MAML2: variants seen among roughly 807,000 people sequenced by gnomAD.
MAML2 encodes the protein mastermind like transcriptional coactivator 2.
Under a neutral mutation model 96.1 loss-of-function variants are expected in MAML2, and 22 were observed. The observed-to-expected ratio is 0.23, with a 90% confidence interval of 0.16 to 0.33. The LOEUF is 0.33. Ranked by LOEUF, MAML2 falls within the 10% of genes least tolerant of loss-of-function variation. The probability of loss-of-function intolerance (pLI) is 1.00; values close to 1 mark genes in which losing one functional copy is unlikely to be tolerated. For synonymous variants in MAML2, 561 were observed against 521.3 expected, an observed-to-expected ratio of 1.08 and a Z score of -1.04; for missense variants, 1,367 against 1,392.4, an observed-to-expected ratio of 0.98 and a Z score of 0.29.
chr11:96,116,969 CA>C lies in MAML2; in HGVS notation c.514-23453del, dbSNP rs570887190. Among the ~76,000 whole-genome samples, 307 of 152,242 alleles carry C rather than the reference CA, an allele frequency of 2.0e-3. 2 individuals carry two copies. The highest frequency in any genetic ancestry group is 5.4e-3 in the Admixed American group (83 of 15,284). On this transcript the variant is annotated intron_variant, in intron 1 of 4. Coordinates refer to ENST00000524717, the MANE Select transcript of MAML2 (RefSeq NM_032427.4). The stretch of plus-strand genomic sequence containing the variant: ...GCAAGAAGTTAATGATTACTAATAA[CA>C]AATGATGAATTGAATTGACAGCCAT...
At chr11:96,132,069 A>G (rs778167452) in intron 1 of MAML2, among the ~76,000 whole-genome samples, 10 of 152,206 alleles carry the variant, frequency 6.6e-5, no homozygotes, top group Non-Finnish European at 1.2e-4. Flanking sequence ...AAAATTTCCT[A>G]GTGGGCAAGG....
chr11:96,184,439 CAAATAAATAAATAAATAAAT>C (rs139760069), intron 1 of MAML2, among the ~76,000 whole-genome samples: 4 of 145,178 alleles, frequency 2.8e-5, no homozygotes, highest in Non-Finnish European at 6.0e-5. Flanking sequence ...GACTCCATCT[CAAATAAATAAATAAATAAAT>C]AAATAAATAA....
At chr11:96,251,446 C>T (rs1031694690) in intron 1 of MAML2, among the ~76,000 whole-genome samples, 1 of 152,108 alleles carries the variant, frequency 6.6e-6, no homozygotes, top group Non-Finnish European at 1.5e-5. Context: ...TTGTGAGATT[C>T]AAATTCTTGT....
intron 1 of MAML2, among the ~76,000 whole-genome samples, chr11:96,131,838 C>T (rs965500772): frequency 3.3e-5 from 5 of 151,974 alleles, no homozygotes; most frequent in African/African-American, 7.3e-5. Context: ...GGTGAAACAC[C>T]GTCTCTACTA....
intron 1 of MAML2, among the ~76,000 whole-genome samples, chr11:96,249,264 C>T (rs1351467809): frequency 2.0e-5 from 3 of 152,096 alleles, no homozygotes; most frequent in Non-Finnish European, 2.9e-5. Flanking sequence ...TTCATCTTTC[C>T]GACCTCTAGA....
At chr11:96,105,671 A>G (rs1860010316) in intron 1 of MAML2, among the ~76,000 whole-genome samples, 1 of 152,208 alleles carries the variant, frequency 6.6e-6, no homozygotes, top group Non-Finnish European at 1.5e-5. Flanking sequence ...TCTAGGCTCA[A>G]TATAAAGTGT....
intron 1 of MAML2, among the ~76,000 whole-genome samples, chr11:96,177,199 C>T (rs1172652690): frequency 6.6e-6 from 1 of 152,170 alleles, no homozygotes; most frequent in Admixed American, 6.5e-5. Flanking sequence ...ATGGTGTTCT[C>T]AATTACTTGA....
chr11:96,172,298 A>G (rs764935333), intron 1 of MAML2, among the ~76,000 whole-genome samples: 8 of 152,238 alleles, frequency 5.3e-5, no homozygotes, highest in Non-Finnish European at 8.8e-5. Context: ...CAGCAAAGCA[A>G]AAGTGGATAC....
At chr11:96,113,783 T>A (rs930773970) in intron 1 of MAML2, among the ~76,000 whole-genome samples, 1 of 152,106 alleles carries the variant, frequency 6.6e-6, no homozygotes, top group Non-Finnish European at 1.5e-5. Context: ...AGGGGGCATG[T>A]AGTGCTATAC....
At chr11:96,212,954 G>A (rs1265208318) in intron 1 of MAML2, among the ~76,000 whole-genome samples, 1 of 152,070 alleles carries the variant, frequency 6.6e-6, no homozygotes, top group South Asian at 2.1e-4. Context: ...CCAGGGCCTC[G>A]GTTTCCTCAT....
At chr11:96,230,311 T>G (rs1862275097) in intron 1 of MAML2, among the ~76,000 whole-genome samples, 1 of 152,258 alleles carries the variant, frequency 6.6e-6, no homozygotes, top group Non-Finnish European at 1.5e-5. Flanking sequence ...TTATATGTTT[T>G]GCTCATTCAA....
intron 1 of MAML2, among the ~76,000 whole-genome samples, chr11:96,101,194 T>C (rs893487742): frequency 6.6e-6 from 1 of 152,224 alleles, no homozygotes; most frequent in Admixed American, 6.5e-5. Flanking sequence ...CAAAATTTAT[T>C]TGATGCCTTC....
intron 1 of MAML2, among the ~76,000 whole-genome samples, chr11:96,121,950 CTTTTTTTTTTTTTTTTTTTT>C (rs71040130): frequency 1.8e-5 from 1 of 56,830 alleles, no homozygotes; most frequent in Non-Finnish European, 3.0e-5. Context: ...CCACGCCCGG[CTTTTTTTTTTTTTTTTTTTT>C]TTTTTTTTTT....
intron 2 of MAML2, among the ~76,000 whole-genome samples, chr11:96,056,035 A>G (rs950435162): frequency 2.6e-5 from 4 of 152,192 alleles, no homozygotes; most frequent in Non-Finnish European, 1.5e-5. Context: ...GACAAAAGCA[A>G]TGGGTTAGAA....
intron 1 of MAML2, among the ~76,000 whole-genome samples, chr11:96,304,016 A>G (rs1445271898): frequency 2.6e-5 from 4 of 152,228 alleles, no homozygotes; most frequent in African/African-American, 9.6e-5. Flanking sequence ...GTGGCCCTCA[A>G]TCTTTATCCA....
chr11:96,028,890 C>A (rs1166803926), intron 2 of MAML2, among the ~76,000 whole-genome samples: 1 of 152,080 alleles, frequency 6.6e-6, no homozygotes, highest in Admixed American at 6.6e-5. Context: ...CTTACATCCC[C>A]AACACACAGA....
At chr11:95,998,122 A>ATCTGTCTGTCTG (rs138084497) in intron 2 of MAML2, among the ~76,000 whole-genome samples, 17 of 117,376 alleles carry the variant, frequency 1.4e-4, no homozygotes, top group Non-Finnish European at 2.1e-4. Context: ...TTTTCTATCT[A>ATCTGTCTGTCTG]TCTGTCTGTC....
chr11:96,277,888 C>G (rs551045526), intron 1 of MAML2, among the ~76,000 whole-genome samples: 1 of 150,702 alleles, frequency 6.6e-6, no homozygotes, highest in Non-Finnish European at 1.5e-5. Flanking sequence ...AGTAGGTGCT[C>G]TAGAACTGCT....
At chr11:96,025,058 A>C (rs1362987807) in intron 2 of MAML2, among the ~76,000 whole-genome samples, 1 of 152,210 alleles carries the variant, frequency 6.6e-6, no homozygotes, top group Non-Finnish European at 1.5e-5. Flanking sequence ...GTATATACCC[A>C]AAAGAAAAGC....
Sources: allele counts gnomAD v4.1 joint callset (sites outside exome capture counted in the v4.1 genomes callset), GRCh38; gene constraint gnomAD v4.1.1; transcripts MANE v1.5; gene names NCBI Gene and HGNC (gene_info 2026-07-23, HGNC 2026-07-21).